Variants in SLC35F3 observed in about 807,000 individuals in gnomAD.
SLC35F3 encodes the protein solute carrier family 35 member F3.
Under a neutral mutation model 49.9 loss-of-function variants are expected in SLC35F3, and 25 were observed. The ratio of observed to expected loss-of-function variants is 0.50; its 90% CI spans 0.37 to 0.70. The LOEUF (loss-of-function observed/expected upper bound fraction) is 0.70, where lower values mean the gene tolerates loss of function less well. Ranked by LOEUF, SLC35F3 falls within the 30% of genes least tolerant of loss-of-function variation. SLC35F3 has a pLI of 0.00. For synonymous variants in SLC35F3, 275 were observed against 265.4 expected (o/e 1.04, Z -0.35); for missense variants, 525 against 639.8 (o/e 0.82, Z 1.94).
intron 2 of SLC35F3, among the ~76,000 whole-genome samples, chr1:233,941,763 C>T (rs1269208416): frequency 6.6e-6 from 1 of 152,094 alleles, no homozygotes. Flanking sequence ...TGGAAAATCA[C>T]TAACCTTTAG....
intron 3 of SLC35F3, among the ~76,000 whole-genome samples, chr1:234,234,010 A>C (rs1400724081): frequency 1.3e-5 from 2 of 152,168 alleles, no homozygotes; most frequent in East Asian, 3.9e-4. Flanking sequence ...GGAGAGAAAA[A>C]TTTTAACATC....
At chr1:234,026,746 G>A (rs1326291714) in intron 2 of SLC35F3, 1 of 152,120 alleles carries the variant, frequency 6.6e-6, no homozygotes, top group Admixed American at 6.5e-5. Flanking sequence ...TCGTTTTAGA[G>A]TCTAAACTCT....
Position 234,214,807 on chromosome 1 carries a change from C to T in SLC35F3, c.284-16610C>T. The T allele has an allele frequency of 2.1e-6, 1 of 481,222 alleles. No homozygotes were observed. Among genetic ancestry groups the T allele is most frequent in the Admixed American group, 4.4e-5 (1 of 22,862 alleles). 29.8% of individuals were successfully genotyped at this position (481,222 alleles called of 1,614,324 possible). ...GCTGCTGCGGCGAGTGAGCACCCGGCTCCCCAACCCTCTCCTTCCTGGGCA... is the reference window on the plus strand; with the variant it reads ...GCTGCTGCGGCGAGTGAGCACCCGGTTCCCCAACCCTCTCCTTCCTGGGCA... On this transcript the variant is annotated intron_variant, in intron 2 of 7. Transcript: ENST00000366618. This position sits in a 1 kb window ranked among gnomAD's most constrained non-coding sequence, Gnocchi z 8.0.
intron 2 of SLC35F3, among the ~76,000 whole-genome samples, chr1:234,034,818 C>A (rs532542010): frequency 6.6e-6 from 1 of 152,304 alleles, no homozygotes; most frequent in African/African-American, 2.4e-5. Context: ...CCACTGTGCC[C>A]AGCCCATAGA....
chr1:234,188,397 C>T (rs578115430), intron 2 of SLC35F3, among the ~76,000 whole-genome samples: 3 of 152,072 alleles, frequency 2.0e-5, no homozygotes, highest in Non-Finnish European at 4.4e-5. Context: ...TTGGGTTGTG[C>T]GGGAGCTGGA....
chr1:233,985,298 A>G (rs1036766202), intron 2 of SLC35F3, among the ~76,000 whole-genome samples: 3 of 152,250 alleles, frequency 2.0e-5, no homozygotes, highest in Admixed American at 2.0e-4. Flanking sequence ...GAAAAATTGA[A>G]CAGAGCAAAA....
rs903598841 is a variant in SLC35F3, at chr1:234,214,642, G to C, written c.284-16775G>C. 15 of 1,475,882 alleles carry C rather than the reference G, an allele frequency of 1.0e-5. No individual in the cohort carries two copies. Among genetic ancestry groups the C allele is most frequent in the Non-Finnish European group, 1.4e-5 (15 of 1,107,760 alleles). 91.4% of individuals were successfully genotyped at this position (1,475,882 alleles called of 1,614,324 possible). On this transcript the variant is annotated intron_variant, in intron 2 of 7. Coordinates refer to ENST00000366618, the MANE Select transcript of SLC35F3 (RefSeq NM_173508.4). This position sits in a 1 kb window ranked among gnomAD's most constrained non-coding sequence, Gnocchi z 8.0. ...CCGGGGAATGCTGCCACCCTGAGGG[G>C]GGCTGTCTGGCTGCGGGGCGCCGGG...
chr1:234,218,690 G>T (rs142625046), intron 2 of SLC35F3, among the ~76,000 whole-genome samples: 2 of 152,180 alleles, frequency 1.3e-5, no homozygotes, highest in Non-Finnish European at 2.9e-5. Flanking sequence ...AATGTTGCAA[G>T]ACCTTTGCAC....
At chr1:234,173,693 G>A (rs1472992729) in intron 2 of SLC35F3, among the ~76,000 whole-genome samples, 1 of 152,224 alleles carries the variant, frequency 6.6e-6, no homozygotes, top group African/African-American at 2.4e-5. Flanking sequence ...TTTTAGGATG[G>A]AATGTGGGGT....
rs1210077706 is a variant in SLC35F3, at chr1:234,324,369, C to A, written c.*1126C>A. ...ACATTATTTTGAAACGTTGTCATAA[C>A]CCAATGGTGCATTCTGTAACCATGG... On this transcript the variant is annotated 3_prime_UTR_variant, in exon 8 of 8. Coordinates refer to ENST00000366618, the MANE Select transcript of SLC35F3 (RefSeq NM_173508.4). 6.6e-6 allele frequency: 1 copy of A among 152,190 alleles called. No homozygotes were observed. Among genetic ancestry groups the A allele is most frequent in the African/African-American group, 2.4e-5 (1 of 41,438 alleles). 9.4% of individuals were successfully genotyped at this position (152,190 alleles called of 1,614,324 possible). A position where few individuals can be genotyped will look rare whatever the true frequency, so the allele number is the denominator to read the frequency against.
At chr1:234,006,936 C>T (rs1353354526) in intron 2 of SLC35F3, among the ~76,000 whole-genome samples, 6 of 152,216 alleles carry the variant, frequency 3.9e-5, no homozygotes, top group Non-Finnish European at 8.8e-5. Flanking sequence ...TCTAGACCAG[C>T]GGTTGGCAAA....
At chr1:234,035,935 A>G (rs1382918058) in intron 2 of SLC35F3, among the ~76,000 whole-genome samples, 1 of 152,238 alleles carries the variant, frequency 6.6e-6, no homozygotes, top group Non-Finnish European at 1.5e-5. Flanking sequence ...AAATTAAAGA[A>G]TAAATAAAGA....
intron 2 of SLC35F3, among the ~76,000 whole-genome samples, chr1:234,110,393 G>A (rs1665388572): frequency 6.6e-6 from 1 of 152,234 alleles, no homozygotes; most frequent in Admixed American, 6.5e-5. Flanking sequence ...GGCACTAACT[G>A]GAATGGCAGA....
chr1:234,229,007 G>T (rs1022227233), intron 2 of SLC35F3, among the ~76,000 whole-genome samples: 13 of 152,202 alleles, frequency 8.5e-5, no homozygotes, highest in Non-Finnish European at 1.6e-4. Flanking sequence ...GGTTTGCAAT[G>T]AATGGGGTTT....
At chr1:233,955,741 C>T (rs912104677) in intron 2 of SLC35F3, among the ~76,000 whole-genome samples, 2 of 149,706 alleles carry the variant, frequency 1.3e-5, no homozygotes, top group Non-Finnish European at 3.0e-5. Context: ...CCTGTGACTT[C>T]TCTACTTGAA....
At chr1:234,069,610 G>A (rs946326930) in intron 2 of SLC35F3, among the ~76,000 whole-genome samples, 9 of 152,118 alleles carry the variant, frequency 5.9e-5, no homozygotes, top group African/African-American at 2.2e-4. Context: ...CCAAAAGGTG[G>A]AGAACAAGTT....
intron 3 of SLC35F3, among the ~76,000 whole-genome samples, chr1:234,252,573 G>T (rs777928268): frequency 2.6e-5 from 4 of 152,160 alleles, no homozygotes; most frequent in African/African-American, 4.8e-5. Context: ...GATATAAACA[G>T]ATACTGCATA....
intron 2 of SLC35F3, among the ~76,000 whole-genome samples, chr1:234,004,649 A>C (rs1663603849): frequency 6.6e-6 from 1 of 152,120 alleles, no homozygotes; most frequent in Admixed American, 6.5e-5. Flanking sequence ...ACAGAAAAGG[A>C]AAGATAATAA....
intron 2 of SLC35F3, among the ~76,000 whole-genome samples, chr1:233,926,646 A>T (rs1365058912): frequency 6.6e-6 from 1 of 152,078 alleles, no homozygotes; most frequent in Admixed American, 6.6e-5. Context: ...CAACTCATCA[A>T]AGTCATTTTC....
Sources: allele counts gnomAD v4.1 joint callset (sites outside exome capture counted in the v4.1 genomes callset), GRCh38; gene constraint gnomAD v4.1.1; non-coding constraint Gnocchi (gnomAD v3.1); transcripts MANE v1.5; gene names NCBI Gene and HGNC (gene_info 2026-07-23, HGNC 2026-07-21).